Variants in FMN1 observed in about 807,000 individuals in gnomAD.
FMN1 encodes the protein formin 1.
FMN1 carries 110 observed loss-of-function variants against 132.4 expected under a neutral mutation model. That is an observed-to-expected ratio of 0.83 (90% CI 0.71 to 0.97). The LOEUF (loss-of-function observed/expected upper bound fraction) is 0.97. Among genes scored for constraint, FMN1 ranks in the 50% least tolerant of loss-of-function variants. The pLI, the probability that FMN1 is intolerant of heterozygous loss-of-function variation, is 0.00. For missense variants in FMN1, 1,792 were observed against 1,705.3 expected, an observed-to-expected ratio of 1.05 and a Z score of -0.90; for synonymous variants, 722 against 651.7, an observed-to-expected ratio of 1.11 and a Z score of -1.64.
Position 33,023,839 on chromosome 15 carries a change from A to T in FMN1, c.2162-15764T>A, listed in dbSNP as rs143070211. 2.6e-5 allele frequency among the ~76,000 whole-genome samples: 4 copies of T among 152,314 alleles called. No homozygotes were observed. In the East Asian group the frequency reaches 7.7e-4, roughly 29 times the overall value. On this transcript the variant is annotated intron_variant, in intron 6 of 20. Transcript: ENST00000616417. ...ATTGAAATTTGTGGGGGAGGGATAG[A>T]CTATTTTTTTAAAGCCACATTTAAG... is the stretch of plus-strand genomic sequence containing the variant.
intron 4 of FMN1, among the ~76,000 whole-genome samples, chr15:33,127,978 G>A (rs1963267740): frequency 1.3e-5 from 2 of 150,192 alleles, no homozygotes; most frequent in African/African-American, 2.4e-5. Flanking sequence ...GGAAAGGAAG[G>A]TAACAGAAGG....
intron 17 of FMN1, among the ~76,000 whole-genome samples, chr15:32,835,708 T>C (rs1430524793): frequency 1.3e-5 from 2 of 152,130 alleles, no homozygotes; most frequent in Non-Finnish European, 2.9e-5. Context: ...CAGATAACCT[T>C]GGGACACAGA....
rs142465553 is a variant in FMN1 at position 33,140,245 on chromosome 15, G to A, written c.1867+12803C>T. On this transcript the variant is annotated intron_variant, in intron 4 of 20. Coordinates refer to ENST00000616417, the MANE Select transcript of FMN1 (RefSeq NM_001277313.2). ...ACACACACACACACACAGCTTATCC[G>A]TTTATCCCCTTTAATTAAATTGAGA... Among the ~76,000 whole-genome samples the A allele has an allele frequency of 2.0e-4, 28 of 139,544 alleles. No individual in the cohort carries two copies. In the East Asian group the frequency reaches 4.0e-3, roughly 20 times the overall value. 91.5% of individuals were successfully genotyped at this position (139,544 alleles called of 152,430 possible).
At chr15:33,111,615 A>G (rs1392259291) in intron 4 of FMN1, among the ~76,000 whole-genome samples, 1 of 152,214 alleles carries the variant, frequency 6.6e-6, no homozygotes, top group Non-Finnish European at 1.5e-5. Flanking sequence ...AAAATGTGCT[A>G]TATCCATATG....
At chr15:32,897,879 G>A (rs1452797613) in intron 15 of FMN1, among the ~76,000 whole-genome samples, 1 of 152,204 alleles carries the variant, frequency 6.6e-6, no homozygotes, top group African/African-American at 2.4e-5. Flanking sequence ...CAACTCAGTG[G>A]AAGGACAGAG....
intron 19 of FMN1, among the ~76,000 whole-genome samples, chr15:32,797,655 C>G (rs947583620): frequency 6.6e-6 from 1 of 151,996 alleles, no homozygotes; most frequent in Non-Finnish European, 1.5e-5. Context: ...CCCATGTTCC[C>G]AAAGAAGTAC....
chr15:32,923,655 A>G (rs946949779), intron 10 of FMN1, among the ~76,000 whole-genome samples: 3 of 152,198 alleles, frequency 2.0e-5, no homozygotes, highest in Non-Finnish European at 2.9e-5. Flanking sequence ...TATCTAGAGT[A>G]TAACATTGGA....
intron 6 of FMN1, among the ~76,000 whole-genome samples, chr15:33,046,619 T>C (rs1431128737): frequency 6.6e-6 from 1 of 152,168 alleles, no homozygotes; most frequent in African/African-American, 2.4e-5. Flanking sequence ...AATTTTTCTT[T>C]GTGATGCAGG....
At chr15:32,774,926 G>A (rs2056367766) in intron 20 of FMN1, among the ~76,000 whole-genome samples, 1 of 152,120 alleles carries the variant, frequency 6.6e-6, no homozygotes, top group Non-Finnish European at 1.5e-5. Context: ...GAAGGACATG[G>A]ACATCTGCTG....
chr15:32,781,548 T>C (rs987804123), intron 19 of FMN1, among the ~76,000 whole-genome samples: 3 of 152,156 alleles, frequency 2.0e-5, no homozygotes. Context: ...CAAATACTGG[T>C]AGTGGGCCAG....
At position 33,065,049 on chromosome 15, in the gene FMN1, T is replaced by A; in HGVS notation, c.2069A>T (p.Asp690Val). 1 of 1,610,678 alleles carries A rather than the reference T, an allele frequency of 6.2e-7. No homozygotes were observed. The highest frequency in any genetic ancestry group is 8.5e-7 in the Non-Finnish European group (1 of 1,178,382). The change falls in exon 6 of 21, where the codon GAT (aspartate) becomes GTT (valine). Residue 690 changes from aspartate to valine, a missense_variant. Physicochemically the swap from Asp to Val is radical, Grantham distance 152. Around this residue, in one of 3 missense-constraint regions of FMN1, gnomAD observed 1,150 missense variants for 1,043.1 expected, o/e 1.10. Transcript: ENST00000616417. ...TTGAAGTCTGCCAGGAGTCCTGTCA[T>A]CCTGCTCAGTCAGGCTGTGGTCAGG... ...LHPDHSLTEQ[D>V]DRTPGRLQAV...
intron 16 of FMN1, among the ~76,000 whole-genome samples, chr15:32,870,831 G>A (rs1051187242): frequency 2.0e-5 from 3 of 152,156 alleles, no homozygotes; most frequent in African/African-American, 7.2e-5. Context: ...TCGCCACCAT[G>A]AGAAGCCTTC....
At chr15:32,981,175 T>G (rs1368245486) in intron 7 of FMN1, among the ~76,000 whole-genome samples, 1 of 152,170 alleles carries the variant, frequency 6.6e-6, no homozygotes, top group East Asian at 1.9e-4. Flanking sequence ...AGATTTTCTG[T>G]AACTAAAATA....
intron 7 of FMN1, among the ~76,000 whole-genome samples, chr15:32,980,323 A>G (rs978998336): frequency 5.9e-5 from 9 of 152,064 alleles, no homozygotes; most frequent in Non-Finnish European, 1.0e-4. Flanking sequence ...AAAAAAAACA[A>G]AAACCTAAAA....
intron 15 of FMN1, among the ~76,000 whole-genome samples, chr15:32,896,917 G>C (rs1000420877): frequency 6.6e-6 from 1 of 152,052 alleles, no homozygotes; most frequent in African/African-American, 2.4e-5. Flanking sequence ...AATTCTTTTG[G>C]ATAAATACCC....
chr15:32,805,790 G>T (rs1248493245), intron 17 of FMN1, among the ~76,000 whole-genome samples: 3 of 143,246 alleles, frequency 2.1e-5, no homozygotes, highest in African/African-American at 7.3e-5. Context: ...AGAGTCATGG[G>T]AATCTTGCCG....
chr15:32,786,325 A>G (rs1349199921), intron 19 of FMN1, among the ~76,000 whole-genome samples: 2 of 152,214 alleles, frequency 1.3e-5, no homozygotes, highest in Non-Finnish European at 2.9e-5. Context: ...TTTCCGTGGT[A>G]TAAAAAAGGT....
intron 4 of FMN1, among the ~76,000 whole-genome samples, chr15:33,103,368 G>A (rs1378697895): frequency 5.3e-5 from 8 of 151,996 alleles, no homozygotes; most frequent in Non-Finnish European, 1.0e-4. Flanking sequence ...TCACCTTCTG[G>A]AGTTACTATA....
chr15:32,956,372 T>TAA (rs67741965), intron 9 of FMN1, among the ~76,000 whole-genome samples: 13,338 of 151,016 alleles, frequency 0.088, 930 homozygotes, highest in African/African-American at 0.18. Flanking sequence ...TTTTTTTTTT[T>TAA]AAAAAAATAA....
Sources: allele counts gnomAD v4.1 joint callset (sites outside exome capture counted in the v4.1 genomes callset), GRCh38; gene constraint gnomAD v4.1.1; regional missense constraint gnomAD v4.1.1; transcripts MANE v1.5; gene names NCBI Gene and HGNC (gene_info 2026-07-23, HGNC 2026-07-21).